Variants in DNAH8 observed in about 807,000 individuals in gnomAD.
DNAH8 encodes axonemal beta dynein heavy chain 8.
In DNAH8, 382 loss-of-function variants were observed where a neutral mutation model predicts 562.1. The observed-to-expected ratio is 0.68, with a 90% CI of 0.63 to 0.74. DNAH8 has a LOEUF of 0.74. Ranked by LOEUF, DNAH8 falls within the 30% of genes least tolerant of loss-of-function variation. DNAH8 has a pLI of 0.00. For missense variants in DNAH8, 5,203 were observed against 5,620.4 expected (o/e 0.93, Z 2.37); for synonymous variants, 1,881 against 1,919.4 (o/e 0.98, Z 0.52).
intron 48 of DNAH8, among the ~76,000 whole-genome samples, chr6:38,868,603 A>G (rs1202660328): frequency 2.6e-5 from 4 of 151,920 alleles, no homozygotes; most frequent in South Asian, 2.1e-4. Flanking sequence ...CATCATTTCT[A>G]TTTTCCAAAA....
rs182989577 is a variant in DNAH8 at position 38,946,307 on chromosome 6, A to G, written c.12129+719A>G. On this transcript the variant is annotated intron_variant, in intron 80 of 92. Transcript: ENST00000327475. ...GTTGTCAGAGCCTCATGCTGTAATC[A>G]CCAATCCCCTGCCCAACATACTGTG... Among the ~76,000 whole-genome samples, 4 of 152,304 alleles carry G rather than the reference A, an allele frequency of 2.6e-5. No individual in the cohort carries two copies. In the East Asian group the frequency reaches 7.7e-4, roughly 29 times the overall value.
chr6:38,896,133 C>T lies in DNAH8; in HGVS notation c.8848C>T (p.Pro2950Ser). ...TGCAGCGTCGTGTATTCTTCCTGAA[C>T]CATACTTTGTGGATTTTCTTCGTGA... ...SDAASCILPE[P>S]YFVDFLREMP... is the part of the protein sequence containing the mutation. The change falls in exon 60 of 93, where the codon CCA (proline) becomes TCA (serine). Residue 2950 changes from proline to serine, a missense_variant. By Grantham distance (74) the Pro-to-Ser change is moderately conservative. Coordinates refer to ENST00000327475, the MANE Select transcript of DNAH8 (RefSeq NM_001206927.2). The T allele has an allele frequency of 6.2e-7, 1 of 1,613,656 alleles. No individual in the cohort carries two copies. The highest frequency in any genetic ancestry group is 1.1e-5 in the South Asian group (1 of 91,028).
intron 11 of DNAH8, among the ~76,000 whole-genome samples, chr6:38,766,930 G>A (rs1345776783): frequency 1.3e-5 from 2 of 152,006 alleles, no homozygotes; most frequent in African/African-American, 4.8e-5. Context: ...ATCTAGGATC[G>A]ACATTTTCTT....
intron 30 of DNAH8, among the ~76,000 whole-genome samples, chr6:38,829,292 G>A (rs1015422619): frequency 4.0e-5 from 6 of 151,818 alleles, no homozygotes; most frequent in Non-Finnish European, 5.9e-5. Context: ...TTATCTTTTC[G>A]CTTTATTGAT....
chr6:38,855,569 G>C (rs1019577655), intron 41 of DNAH8, among the ~76,000 whole-genome samples: 1 of 152,050 alleles, frequency 6.6e-6, no homozygotes, highest in Non-Finnish European at 1.5e-5. Flanking sequence ...GTTTTGATGT[G>C]TATAATATGT....
intron 79 of DNAH8, among the ~76,000 whole-genome samples, chr6:38,940,343 A>G (rs1159031917): frequency 6.6e-6 from 1 of 152,184 alleles, no homozygotes; most frequent in African/African-American, 2.4e-5. Context: ...TTTCTGGCCT[A>G]TGCAGAGATT....
intron 24 of DNAH8, among the ~76,000 whole-genome samples, chr6:38,812,079 A>T (rs992939806): frequency 6.6e-6 from 1 of 152,168 alleles, no homozygotes; most frequent in African/African-American, 2.4e-5. Flanking sequence ...TGCAAGACAG[A>T]TGGGAGAGCA....
chr6:38,928,615 CTTT>C (rs1386590804), intron 74 of DNAH8, among the ~76,000 whole-genome samples: 2 of 152,114 alleles, frequency 1.3e-5, no homozygotes, highest in Non-Finnish European at 2.9e-5. Flanking sequence ...TTCATATCTT[CTTT>C]TTATCATAGT....
Position 38,949,353 on chromosome 6 carries a change from G to T in DNAH8, c.12130-99G>T, listed in dbSNP as rs1761698381. The T allele has an allele frequency of 2.7e-5, 21 of 767,520 alleles. No individual in the cohort carries two copies. The East Asian group carries it at 5.1e-4, about 19-fold the overall frequency. The allele number at this position is 767,520 out of a possible 1,614,324, so 47.5% of individuals were successfully genotyped here. A position where few individuals can be genotyped will look rare whatever the true frequency, so the allele number is the denominator to read the frequency against. ...TGCTGTTATGCTTGAAAAATTATCT[G>T]CCTGTAAAGAATGACCCTCTCAGGT... On this transcript the variant is annotated intron_variant, in intron 80 of 92. Coordinates refer to ENST00000327475, the MANE Select transcript of DNAH8 (RefSeq NM_001206927.2).
In DNAH8 at chr6:38,938,991, A is replaced by G. The variant is rs765723819; in HGVS notation, c.12007+3A>G. ...AGAGTTTCAAGCTCTCATTAAAGGTAAAGTGTGTGGGATACAGATGTGGTG... is the reference window on the plus strand; with the variant it reads ...AGAGTTTCAAGCTCTCATTAAAGGTGAAGTGTGTGGGATACAGATGTGGTG... On this transcript the variant is annotated splice_donor_region_variant and intron_variant, in intron 79 of 92. Transcript: ENST00000327475. The G allele has an allele frequency of 1.2e-6, 2 of 1,611,920 alleles. No homozygotes were observed. The highest frequency in any genetic ancestry group is 1.7e-6 in the Non-Finnish European group (2 of 1,178,664).
chr6:38,820,422 A>G (rs1406277524), intron 26 of DNAH8, among the ~76,000 whole-genome samples: 1 of 152,210 alleles, frequency 6.6e-6, no homozygotes, highest in East Asian at 1.9e-4. Flanking sequence ...CCGCTATTCT[A>G]TATCCTATAA....
chr6:38,842,770 A>G lies in DNAH8; in HGVS notation c.4712A>G (p.Asn1571Ser), dbSNP rs1436947070. 1.2e-6 allele frequency: 2 copies of G among 1,613,888 alleles called. No individual in the cohort carries two copies. Among genetic ancestry groups the G allele is most frequent in the African/African-American group, 1.3e-5 (1 of 74,936 alleles). Residue 1571 changes from asparagine (N) to serine (S), a missense_variant, in exon 35 of 93, where the codon AAT becomes AGT. By Grantham distance (46) the Asn-to-Ser change is conservative. Transcript: ENST00000327475. ...TGTCCTCTACTGGAAATGATGACCA[A>G]TAAGGCCATGAAACAGAGACACTGG... ...ESCPLLEMMT[N>S]KAMKQRHWDR...
chr6:38,832,868 C>A (rs781640261), intron 31 of DNAH8, among the ~76,000 whole-genome samples: 1 of 151,354 alleles, frequency 6.6e-6, no homozygotes, highest in Non-Finnish European at 1.5e-5. Context: ...AAAGGAGCAA[C>A]AACTTTGGAG....
chr6:38,842,433 GTTA>G lies in DNAH8; in HGVS notation c.4537_4539del (p.Tyr1513del), dbSNP rs765525756. On this transcript the variant is annotated inframe_deletion, in exon 34 of 93. Transcript: ENST00000327475. ...GACACCGTAATGAGCAGTATTAGTG[GTTA>G]TTATGAAATACTTTGGGGAGATGTA... 6.2e-7 allele frequency: 1 copy of G among 1,612,420 alleles called. No homozygotes were observed. Among genetic ancestry groups the G allele is most frequent in the Admixed American group, 1.7e-5 (1 of 59,966 alleles).
intron 26 of DNAH8, among the ~76,000 whole-genome samples, chr6:38,819,785 TAAAAGA>T (rs1772649492): frequency 2.0e-5 from 3 of 152,138 alleles, no homozygotes; most frequent in Admixed American, 2.0e-4. Flanking sequence ...TGTTTATGTA[TAAAAGA>T]TCAACATACA....
At position 38,886,966 on chromosome 6, in the gene DNAH8, G is replaced by A. The variant is rs747414107; in HGVS notation, c.8435G>A (p.Cys2812Tyr). 1.7e-5 allele frequency: 27 copies of A among 1,613,722 alleles called. No homozygotes were observed. Among genetic ancestry groups the A allele is most frequent in the Admixed American group, 5.0e-5 (3 of 59,990 alleles). ...AAAAGACAATTTACTGTGTTTAATT[G>A]TACATTGCCTTCAAATGCTTCAATA... ...RLKRQFTVFN[C>Y]TLPSNASIDK... The change falls in exon 57 of 93, where the codon TGT (cysteine) becomes TAT (tyrosine). Residue 2812 changes from cysteine to tyrosine, a missense_variant. Coordinates refer to ENST00000327475, the MANE Select transcript of DNAH8 (RefSeq NM_001206927.2).
At chr6:38,762,077 A>C (rs1421050976) in intron 11 of DNAH8, among the ~76,000 whole-genome samples, 1 of 152,090 alleles carries the variant, frequency 6.6e-6, no homozygotes, top group Non-Finnish European at 1.5e-5. Context: ...CCAGCCTGTT[A>C]CAATTAAAAT....
intron 30 of DNAH8, 57 bp downstream of exon 30, chr6:38,828,345 A>G: frequency 1.8e-6 from 2 of 1,129,950 alleles, no homozygotes; most frequent in Non-Finnish European, 2.5e-6. Flanking sequence ...CAGAAAAAAA[A>G]GGTATTTTAT....
intron 87 of DNAH8, 46 bp downstream of exon 87, chr6:38,984,353 A>G (rs1583506689): frequency 1.5e-6 from 2 of 1,298,864 alleles, no homozygotes; most frequent in Non-Finnish European, 2.2e-6. Context: ...ATTTCACTGT[A>G]TTTTCCAATT....
Sources: allele counts gnomAD v4.1 joint callset (sites outside exome capture counted in the v4.1 genomes callset), GRCh38; gene constraint gnomAD v4.1.1; transcripts MANE v1.5; gene names NCBI Gene and HGNC (gene_info 2026-07-23, HGNC 2026-07-21).